The following STXBP5 variants were observed in gnomAD, a reference collection of about 807,000 sequenced individuals.
The protein encoded by STXBP5 is syntaxin-binding protein 5.
Under a neutral mutation model 152.4 loss-of-function variants are expected in STXBP5, and 50 were observed. The ratio of observed to expected loss-of-function variants is 0.33; its 90% confidence interval spans 0.26 to 0.42. The LOEUF (loss-of-function observed/expected upper bound fraction) is 0.42. Among genes scored for constraint, STXBP5 ranks in the 10% least tolerant of loss-of-function variants. The pLI is 1.00. For synonymous variants in STXBP5, 492 were observed against 494.7 expected, an observed-to-expected ratio of 0.99 and a Z score of 0.07; for missense variants, 1,167 against 1,388.6, an observed-to-expected ratio of 0.84 and a Z score of 2.54.
chr6:147,322,869 C>T (rs1481666484), intron 16 of STXBP5, among the ~76,000 whole-genome samples: 1 of 152,190 alleles, frequency 6.6e-6, no homozygotes, highest in Non-Finnish European at 1.5e-5. Context: ...AGGTCTCACA[C>T]TCTTTTAAAC....
At chr6:147,327,023 T>A (rs1475911247) in intron 17 of STXBP5, 102 bp from the exon 18 acceptor site, 8 of 1,078,654 alleles carry the variant, frequency 7.4e-6, no homozygotes, top group Admixed American at 2.7e-5. Flanking sequence ...AAGAATTTTC[T>A]GAAAGACCCA....
chr6:147,357,692 C>T (rs1331444934), intron 22 of STXBP5, among the ~76,000 whole-genome samples: 1 of 151,952 alleles, frequency 6.6e-6, no homozygotes, highest in Admixed American at 6.6e-5. Flanking sequence ...CAAAAATGTG[C>T]AATAAAATAC....
intron 9 of STXBP5, 67 bp downstream of exon 9, chr6:147,291,239 T>G: frequency 1.5e-6 from 2 of 1,314,240 alleles, no homozygotes; most frequent in Non-Finnish European, 2.1e-6. Flanking sequence ...AAGGCTATTT[T>G]ATCATTAATT....
chr6:147,359,676 G>A (rs1784977450), intron 23 of STXBP5, among the ~76,000 whole-genome samples: 6 of 136,582 alleles, frequency 4.4e-5, no homozygotes. Context: ...TGTTCTCATT[G>A]TTCAGTTCCC....
chr6:147,258,060 G>T (rs557508856), intron 4 of STXBP5, among the ~76,000 whole-genome samples: 6 of 152,272 alleles, frequency 3.9e-5, no homozygotes, highest in Admixed American at 3.9e-4. Context: ...CTTGGGTTCT[G>T]AAAGCATTAA....
At position 147,315,710 on chromosome 6, in the gene STXBP5, A is replaced by T. The variant is rs1243231490; in HGVS notation, c.1598A>T (p.Gln533Leu). The T allele has an allele frequency of 1.2e-6, 2 of 1,613,724 alleles. No individual in the cohort carries two copies. Among genetic ancestry groups the T allele is most frequent in the South Asian group, 2.2e-5 (2 of 91,074 alleles). ...AHVIIYRFSK[Q>L]EVITEVIPML... ...GTCATTATTTATAGATTCAGCAAGC[A>T]GGAAGTAATCACAGAAGTCATTCCG... Residue 533 changes from glutamine (Q) to leucine (L), a missense_variant, in exon 15 of 28, where the codon CAG becomes CTG. By Grantham distance (113) the Gln-to-Leu change is moderately radical. Transcript: ENST00000321680.
chr6:147,327,244 G>T lies in STXBP5; in HGVS notation c.2048G>T (p.Arg683Leu). The change falls in exon 18 of 28, where the codon CGA (arginine) becomes CTA (leucine). Residue 683 changes from arginine to leucine, a missense_variant. Physicochemically the swap from Arg to Leu is moderately radical, Grantham distance 102. Around this residue, in one of 3 missense-constraint regions of STXBP5, gnomAD observed 833 missense variants for 986.3 expected, o/e 0.84. Transcript: ENST00000321680. The part of the protein sequence containing the change: ...GSNDPYRREP[R>L]SPRKSRQPSG... The stretch of plus-strand genomic sequence containing the variant: ...AATGATCCTTATCGGAGAGAACCCC[G>T]ATCTCCTCGTAAATCTCGACAGCCT... 1.2e-6 allele frequency: 2 copies of T among 1,613,354 alleles called. No homozygotes were observed. The highest frequency in any genetic ancestry group is 1.7e-6 in the Non-Finnish European group (2 of 1,179,782).
At chr6:147,296,145 A>G (rs1781512539) in intron 9 of STXBP5, among the ~76,000 whole-genome samples, 2 of 152,254 alleles carry the variant, frequency 1.3e-5, no homozygotes, top group Admixed American at 6.5e-5. Context: ...CCTGACTGGA[A>G]AAACAGCCCA....
At chr6:147,379,381 T>C (rs183577852) in intron 26 of STXBP5, among the ~76,000 whole-genome samples, 2 of 152,180 alleles carry the variant, frequency 1.3e-5, no homozygotes, top group Admixed American at 6.6e-5. Flanking sequence ...ATGGGGAAAG[T>C]AGAAAATTAG....
intron 9 of STXBP5, chr6:147,293,233 T>C (rs1781364245): frequency 6.6e-6 from 1 of 152,202 alleles, no homozygotes; most frequent in African/African-American, 2.4e-5. Flanking sequence ...GATGCATTCC[T>C]CAGAAGGTAT....
At chr6:147,330,497 G>C (rs1289133603) in intron 18 of STXBP5, among the ~76,000 whole-genome samples, 2 of 152,108 alleles carry the variant, frequency 1.3e-5, no homozygotes, top group Non-Finnish European at 2.9e-5. Flanking sequence ...GAATTTAAAA[G>C]GGATCCCCAG....
intron 21 of STXBP5, among the ~76,000 whole-genome samples, chr6:147,349,383 T>C (rs1784487872): frequency 6.6e-6 from 1 of 152,178 alleles, no homozygotes; most frequent in African/African-American, 2.4e-5. Context: ...GGGTGAGTGG[T>C]AATGTTCTTT....
chr6:147,364,232 G>C, intron 25 of STXBP5, 66 bp downstream of exon 25: 1 of 1,396,682 alleles, frequency 7.2e-7, no homozygotes, highest in Non-Finnish European at 9.8e-7. Context: ...CCCGTATACT[G>C]TCTGCCCCTT....
In STXBP5 at chr6:147,313,893, A is replaced by G; in HGVS notation, c.1155A>G (p.Ile385Met). The change falls in exon 12 of 28, where the codon ATA becomes ATG. Residue 385 changes from isoleucine to methionine, a missense_variant. Physicochemically the swap from Ile to Met is conservative, Grantham distance 10 (BLOSUM62 1). This residue lies in a region of STXBP5 where 833 missense variants were observed against 986.3 expected (regional missense o/e 0.84). Transcript: ENST00000321680. ...TTTTCTGTTGTTAAAGATATCCTATATTTGAAAATCCCTACCCTTTGAGTA... is the reference window on the plus strand; with the variant it reads ...TTTTCTGTTGTTAAAGATATCCTATGTTTGAAAATCCCTACCCTTTGAGTA... Reference protein sequence around the residue: ...LIDLAQNGYPIFENPYPLSIH... With the variant: ...LIDLAQNGYPMFENPYPLSIH... 1.3e-6 allele frequency: 2 copies of G among 1,538,212 alleles called. No homozygotes were observed. The highest frequency in any genetic ancestry group is 1.8e-6 in the Non-Finnish European group (2 of 1,128,696).
chr6:147,362,156 A>T (rs146129059), intron 23 of STXBP5, among the ~76,000 whole-genome samples: 10,459 of 152,250 alleles, frequency 0.069, 486 homozygotes, highest in African/African-American at 0.12. Context: ...ATATGTGCTC[A>T]ATAGAAGGCT....
intron 23 of STXBP5, among the ~76,000 whole-genome samples, chr6:147,362,471 G>T (rs1785109613): frequency 6.6e-6 from 1 of 152,098 alleles, no homozygotes; most frequent in African/African-American, 2.4e-5. Flanking sequence ...GGGGGAAAGG[G>T]TACCATTAAC....
At chr6:147,377,327 A>G (rs1169547713) in intron 26 of STXBP5, among the ~76,000 whole-genome samples, 1 of 152,230 alleles carries the variant, frequency 6.6e-6, no homozygotes, top group Non-Finnish European at 1.5e-5. Context: ...AATATGTATT[A>G]GTATTTGAAA....
chr6:147,283,094 A>G (rs1780777820), intron 8 of STXBP5, among the ~76,000 whole-genome samples: 1 of 152,208 alleles, frequency 6.6e-6, no homozygotes, highest in African/African-American at 2.4e-5. Context: ...AGCTTGTGCT[A>G]GACAGTCAAA....
At chr6:147,326,686 G>C (rs1783275239) in intron 17 of STXBP5, among the ~76,000 whole-genome samples, 1 of 152,176 alleles carries the variant, frequency 6.6e-6, no homozygotes, top group Non-Finnish European at 1.5e-5. Flanking sequence ...GGGCCTCCAA[G>C]ATGTATGCTT....
Sources: allele counts gnomAD v4.1 joint callset (sites outside exome capture counted in the v4.1 genomes callset), GRCh38; gene constraint gnomAD v4.1.1; regional missense constraint gnomAD v4.1.1; transcripts MANE v1.5; gene names NCBI Gene and HGNC (gene_info 2026-07-23, HGNC 2026-07-21).